Variants in TRIM22 observed in about 807,000 individuals in gnomAD.
TRIM22 encodes the protein E3 ubiquitin-protein ligase TRIM22.
Under a neutral mutation model 53.6 loss-of-function variants are expected in TRIM22, and 45 were observed. The ratio of observed to expected loss-of-function variants is 0.84; its 90% CI spans 0.66 to 1.08. The LOEUF (loss-of-function observed/expected upper bound fraction) is 1.08, where lower values mean the gene tolerates loss of function less well. Among genes scored for constraint, TRIM22 ranks in the 50% least tolerant of loss-of-function variants. The probability of loss-of-function intolerance (pLI) is 0.00; values close to 1 mark genes in which losing one functional copy is unlikely to be tolerated. For missense variants in TRIM22, 616 were observed against 590.9 expected (o/e 1.04, Z -0.44); for synonymous variants, 225 against 216.6 (o/e 1.04, Z -0.34).
chr11:5,696,817 C>T lies in TRIM22; in HGVS notation c.423+162C>T. The T allele has an allele frequency of 4.3e-6, 3 of 700,498 alleles. No individual in the cohort carries two copies. The South Asian group carries it at 6.6e-5, about 15-fold the overall frequency. The allele number at this position is 700,498 out of a possible 1,614,324, so 43.4% of individuals were successfully genotyped here. On this transcript the variant is annotated intron_variant, in intron 2 of 7. Transcript: ENST00000379965. ...TGCTTAGTTTCTGATGCCTGAAGGA[C>T]ACTGCTGCACATTGTTTTATTTAAA...
At chr11:5,695,013 G>A (rs1853234710) in intron 1 of TRIM22, among the ~76,000 whole-genome samples, 1 of 152,066 alleles carries the variant, frequency 6.6e-6, no homozygotes, top group South Asian at 2.1e-4. Context: ...GGAAGTTGTG[G>A]CTTTATATAT....
chr11:5,698,613 C>A lies in TRIM22; in HGVS notation c.750+68C>A, dbSNP rs1403403033. ...AAACACAGAGGCCGATTTTCCTTCC[C>A]TTCCCAGTCTCTAGGCTTTCTTCTG... On this transcript the variant is annotated intron_variant, in intron 4 of 7. Transcript: ENST00000379965. The A allele has an allele frequency of 2.3e-6, 3 of 1,313,296 alleles. No individual in the cohort carries two copies. The African/African-American group carries it at 4.4e-5, about 19-fold the overall frequency. The allele number at this position is 1,313,296 out of a possible 1,614,324, so 81.4% of individuals were successfully genotyped here. A position where few individuals can be genotyped will look rare whatever the true frequency, so the allele number is the denominator to read the frequency against.
intron 2 of TRIM22, chr11:5,696,954 T>C: frequency 2.0e-6 from 1 of 509,870 alleles, no homozygotes; most frequent in Non-Finnish European, 3.5e-6. Flanking sequence ...CACGTCTGGT[T>C]AGATGTGGGA....
Position 5,710,186 on chromosome 11 carries a change from T to A in TRIM22, c.*538T>A, listed in dbSNP as rs1281899800. On this transcript the variant is annotated 3_prime_UTR_variant, in exon 8 of 8. Transcript: ENST00000379965. ...TTTGAGGAAGGCACGATTTCACTCA[T>A]AACAATCTTACCCTTTCTTGCAAGA... is the stretch of plus-strand genomic sequence containing the variant. 1 of 152,766 alleles carries A rather than the reference T, an allele frequency of 6.5e-6. No homozygotes were observed. Among genetic ancestry groups the A allele is most frequent in the Non-Finnish European group, 1.5e-5 (1 of 68,446 alleles). The allele number at this position is 152,766 out of a possible 1,614,324, so 9.5% of individuals were successfully genotyped here. A position where few individuals can be genotyped will look rare whatever the true frequency, so the allele number is the denominator to read the frequency against.
intron 4 of TRIM22, among the ~76,000 whole-genome samples, chr11:5,701,470 T>A (rs1853372151): frequency 1.3e-5 from 2 of 152,246 alleles, no homozygotes; most frequent in East Asian, 3.8e-4. Context: ...ACGTGTATTT[T>A]GTGGTATAGA....
In TRIM22 at chr11:5,709,113, G is replaced by A. The variant is rs12364019; in HGVS notation, c.962G>A (p.Arg321Lys). The stretch of plus-strand genomic sequence containing the variant: ...AATGTTGCTATTTCTGTGGATCAGA[G>A]ACAAGTGAAAACTGTACGCACCTGC... Reference protein sequence around the residue: ...TSNVAISVDQRQVKTVRTCTF... With the variant: ...TSNVAISVDQKQVKTVRTCTF... Residue 321 changes from arginine to lysine, a missense_variant, in exon 8 of 8, where the codon AGA becomes AAA. Arg to Lys is a conservative substitution (Grantham distance 26, BLOSUM62 2). Coordinates refer to ENST00000379965, the MANE Select transcript of TRIM22 (RefSeq NM_006074.5). 59,605 of 1,614,138 alleles carry A rather than the reference G, an allele frequency of 0.037. 1,253 individuals are homozygous for A. Among genetic ancestry groups the A allele is most frequent in the Non-Finnish European group, 0.044 (51,374 of 1,179,996 alleles).
At chr11:5,708,712 A>T in intron 7 of TRIM22, 109 bp downstream of exon 7, 89 of 792,826 alleles carry the variant, frequency 1.1e-4, no homozygotes, top group Middle Eastern at 3.2e-4. Flanking sequence ...TAAACCATGT[A>T]GTTCTTTTTT....
chr11:5,698,572 T>C, intron 4 of TRIM22, 27 bp downstream of exon 4: 2 of 1,570,384 alleles, frequency 1.3e-6, no homozygotes, highest in African/African-American at 2.8e-5. Flanking sequence ...AGCACCTACG[T>C]AAGAGATTAG....
intron 4 of TRIM22, among the ~76,000 whole-genome samples, chr11:5,703,001 A>G (rs1853396790): frequency 6.6e-6 from 1 of 152,202 alleles, no homozygotes; most frequent in African/African-American, 2.4e-5. Context: ...CTTTGAGATC[A>G]TTTACATACT....
intron 4 of TRIM22, among the ~76,000 whole-genome samples, chr11:5,702,300 T>G (rs1853387172): frequency 6.9e-6 from 1 of 145,652 alleles, no homozygotes; most frequent in Non-Finnish European, 1.5e-5. Context: ...TATATAAATA[T>G]AACTAATATG....
chr11:5,702,606 T>C (rs1247966118), intron 4 of TRIM22, among the ~76,000 whole-genome samples: 1 of 151,972 alleles, frequency 6.6e-6, no homozygotes, highest in Non-Finnish European at 1.5e-5. Context: ...GAGCAGAGTA[T>C]CCTCAATCTT....
chr11:5,708,572 T>C lies in TRIM22; in HGVS notation c.875-5T>C. On this transcript the variant is annotated splice_region_variant and splice_polypyrimidine_tract_variant and intron_variant, in intron 6 of 7. Coordinates refer to ENST00000379965, the MANE Select transcript of TRIM22 (RefSeq NM_006074.5). ...ACAACATCACTGAAACTTTTGTCGT[T>C]TCAGAGCTGACAGATGTCCAGTACT... 6.2e-7 allele frequency: 1 copy of C among 1,603,396 alleles called. No individual in the cohort carries two copies. The highest frequency in any genetic ancestry group is 8.5e-7 in the Non-Finnish European group (1 of 1,177,186).
rs1480337417 is a variant in TRIM22, at chr11:5,708,190, TGAA to T, written c.796_798del (p.Lys266del). On this transcript the variant is annotated inframe_deletion, in exon 6 of 8. Transcript: ENST00000379965. ...ATCACTAGGAGTGAAAGCTGGACAT[TGAA>T]GAAGCCAAAATCTGTTTCCAAGAAA... is the stretch of plus-strand genomic sequence containing the variant. The T allele has an allele frequency of 1.2e-6, 2 of 1,614,124 alleles. No individual in the cohort carries two copies. Among genetic ancestry groups the T allele is most frequent in the Admixed American group, 1.7e-5 (1 of 60,026 alleles).
At chr11:5,698,903 A>G (rs1214814745) in intron 4 of TRIM22, among the ~76,000 whole-genome samples, 1 of 152,162 alleles carries the variant, frequency 6.6e-6, no homozygotes, top group Non-Finnish European at 1.5e-5. Context: ...CTGGCAGCCT[A>G]TCTGTTTTCT....
rs759449902 is a variant in TRIM22, at chr11:5,706,620, T to C, written c.773+4T>C. 6.4e-5 allele frequency: 103 copies of C among 1,609,168 alleles called. No individual in the cohort carries two copies. The Middle Eastern group carries it at 8.2e-4, about 13-fold the overall frequency. On this transcript the variant is annotated splice_donor_region_variant and intron_variant, in intron 5 of 7. Transcript: ENST00000379965. ...ATGTGATTGACGTCATGAAAAGGTA[T>C]ATGTGGAAGAGAGATGTGGTCTTAT...
At chr11:5,699,470 A>G (rs994299239) in intron 4 of TRIM22, among the ~76,000 whole-genome samples, 31 of 123,956 alleles carry the variant, frequency 2.5e-4, no homozygotes, top group East Asian at 4.9e-4. Context: ...CTTGCAATGA[A>G]CCGAGATTGC....
At position 5,709,577 on chromosome 11, in the gene TRIM22, C is replaced by A. The variant is rs757635925; in HGVS notation, c.1426C>A (p.Arg476=). 1 of 1,613,796 alleles carries A rather than the reference C, an allele frequency of 6.2e-7. No homozygotes were observed. Among genetic ancestry groups the A allele is most frequent in the South Asian group, 1.1e-5 (1 of 91,078 alleles). Reference sequence around the variant, plus strand: ...CAAGTTCTCTGGATGTCGCTTTTCTCGACCTGCTTATCCGTATTTCAATCC... The same window carrying A: ...CAAGTTCTCTGGATGTCGCTTTTCTAGACCTGCTTATCCGTATTTCAATCC... ...IYKFSGCRFS[R]PAYPYFNPWN... The change falls in exon 8 of 8, where the codon CGA becomes AGA. Residue 476 remains arginine, a synonymous_variant. Transcript: ENST00000379965.
At chr11:5,696,091 C>A in intron 1 of TRIM22, 76 bp from the exon 2 acceptor site, 1 of 670,218 alleles carries the variant, frequency 1.5e-6, no homozygotes, top group Non-Finnish European at 2.5e-6. Context: ...AATGTTTTGT[C>A]CTGTTCTAAA....
chr11:5,709,622 A>T lies in TRIM22; in HGVS notation c.1471A>T (p.Met491Leu). ...YFNPWNCLVP[M>L]TVCPPSS is the part of the protein sequence containing the mutation. ...CAATCCTTGGAACTGCCTAGTCCCC[A>T]TGACTGTGTGCCCACCGAGCTCCTG... Residue 491 changes from methionine (M) to leucine (L), a missense_variant, in exon 8 of 8, where the codon ATG (methionine) becomes TTG (leucine). Coordinates refer to ENST00000379965, the MANE Select transcript of TRIM22 (RefSeq NM_006074.5). The T allele has an allele frequency of 6.2e-7, 1 of 1,607,288 alleles. No individual in the cohort carries two copies. Among genetic ancestry groups the T allele is most frequent in the Non-Finnish European group, 8.5e-7 (1 of 1,179,288 alleles).
Sources: gnomAD v4.1 joint callset for allele counts (sites outside exome capture counted in the v4.1 genomes callset) on GRCh38, gnomAD v4.1.1 for gene constraint, MANE v1.5 for transcripts, NCBI Gene and HGNC (gene_info 2026-07-23, HGNC 2026-07-21) for gene names.